The following RAP1GAP2 variants were observed in gnomAD, a reference collection of about 807,000 sequenced individuals.
RAP1GAP2 encodes the protein rap1 GTPase-activating protein 2.
Under a neutral mutation model 95.0 loss-of-function variants are expected in RAP1GAP2, and 27 were observed. The observed-to-expected ratio is 0.28, with a 90% confidence interval of 0.21 to 0.39. RAP1GAP2 has a LOEUF of 0.39. RAP1GAP2 is among the 10% of genes least tolerant of loss of function. The pLI, the probability that RAP1GAP2 is intolerant of heterozygous loss-of-function variation, is 1.00. For missense variants in RAP1GAP2, 771 were observed against 970.0 expected (o/e 0.79, Z 2.72); for synonymous variants, 373 against 380.9 (o/e 0.98, Z 0.24).
rs1225025285 is a variant in RAP1GAP2, at chr17:2,906,852, ATTAG to A, written c.165+1489_165+1492del. Among the ~76,000 whole-genome samples the A allele has an allele frequency of 6.6e-6, 1 of 152,124 alleles. No individual in the cohort carries two copies. The highest frequency in any genetic ancestry group is 1.5e-5 in the Non-Finnish European group (1 of 68,020). Reference sequence around the variant, plus strand: ...TACCCAGTATTTATTTGAATTTTGTATTAGTTAGGACTCTTGGTTGTAAGTGACA... The same window carrying A: ...TACCCAGTATTTATTTGAATTTTGTATTAGGACTCTTGGTTGTAAGTGACA... On this transcript the variant is annotated intron_variant, in intron 3 of 24. Transcript: ENST00000254695. This position sits in a 1 kb window ranked among gnomAD's most constrained non-coding sequence, Gnocchi z 4.3.
chr17:2,899,059 A>T (rs1410686765), intron 2 of RAP1GAP2, among the ~76,000 whole-genome samples: 1 of 151,552 alleles, frequency 6.6e-6, no homozygotes, highest in Non-Finnish European at 1.5e-5. Context: ...CTGGAATCAC[A>T]CAGCATGTGG....
chr17:2,996,259 G>GC (rs1406476366), intron 13 of RAP1GAP2, among the ~76,000 whole-genome samples: 1 of 152,104 alleles, frequency 6.6e-6, no homozygotes, highest in Non-Finnish European at 1.5e-5. Flanking sequence ...TTCCTGCCGT[G>GC]CCCCCCGTTT....
chr17:2,861,650 T>G (rs979725891), intron 2 of RAP1GAP2, among the ~76,000 whole-genome samples: 34 of 140,176 alleles, frequency 2.4e-4, no homozygotes, highest in East Asian at 1.1e-3. Flanking sequence ...GTATTTTTTT[T>G]GGGGGGGGGG....
chr17:2,849,160 G>A (rs2071714992), intron 2 of RAP1GAP2, among the ~76,000 whole-genome samples: 1 of 152,200 alleles, frequency 6.6e-6, no homozygotes, highest in African/African-American at 2.4e-5. Context: ...TTGTCCCAAA[G>A]GTTGTGTGGT....
intron 2 of RAP1GAP2, among the ~76,000 whole-genome samples, chr17:2,842,299 G>A (rs2071400260): frequency 1.3e-5 from 2 of 152,084 alleles, no homozygotes; most frequent in African/African-American, 2.4e-5. Flanking sequence ...GGAGGGCGAG[G>A]CAGGCAGGTC....
At chr17:2,970,036 G>A (rs1014005215) in intron 8 of RAP1GAP2, among the ~76,000 whole-genome samples, 1 of 151,884 alleles carries the variant, frequency 6.6e-6, no homozygotes, top group Non-Finnish European at 1.5e-5. Flanking sequence ...CACTTTGGGA[G>A]GCCAAAGCAG....
Position 2,796,595 on chromosome 17 carries a change from G to A in RAP1GAP2, c.44+24G>A. ...TGGTGGGTGACAGGTGGGAGGGTGG[G>A]GGAATGATGGGAGAGAACTTAGAAG... On this transcript the variant is annotated intron_variant, in intron 1 of 24. Coordinates refer to ENST00000254695, the MANE Select transcript of RAP1GAP2 (RefSeq NM_015085.5). The surrounding 1 kb of genome is among the most constrained non-coding windows in gnomAD (Gnocchi z 4.7). The A allele has an allele frequency of 6.4e-7, 1 of 1,553,714 alleles. No individual in the cohort carries two copies. The highest frequency in any genetic ancestry group is 8.7e-7 in the Non-Finnish European group (1 of 1,147,856).
chr17:2,984,493 T>G (rs963777131), intron 10 of RAP1GAP2, among the ~76,000 whole-genome samples: 3 of 152,206 alleles, frequency 2.0e-5, no homozygotes, highest in Admixed American at 1.3e-4. Context: ...TATTAGGGTA[T>G]GTTCCTCCTT....
At chr17:2,974,124 G>A (rs1400241621) in intron 8 of RAP1GAP2, among the ~76,000 whole-genome samples, 3 of 151,298 alleles carry the variant, frequency 2.0e-5, no homozygotes, top group East Asian at 2.0e-4. Flanking sequence ...GGCGGATCAC[G>A]AGGTCAGGAG....
chr17:2,764,195 G>C (rs971752681), intron 1 of RAP1GAP2, among the ~76,000 whole-genome samples: 1 of 152,174 alleles, frequency 6.6e-6, no homozygotes, highest in African/African-American at 2.4e-5. Context: ...ATTTTGGGAG[G>C]CTGAGGCGGG....
At chr17:2,911,342 C>G (rs2042374994) in intron 3 of RAP1GAP2, among the ~76,000 whole-genome samples, 1 of 149,254 alleles carries the variant, frequency 6.7e-6, no homozygotes, top group East Asian at 2.0e-4. Context: ...ATCCCAGTTC[C>G]CAGCCAGAGC....
At chr17:2,974,925 T>C (rs1427075191) in intron 8 of RAP1GAP2, among the ~76,000 whole-genome samples, 2 of 152,092 alleles carry the variant, frequency 1.3e-5, no homozygotes, top group African/African-American at 4.8e-5. Context: ...AAATATAAAA[T>C]GATGGTTTAG....
intron 8 of RAP1GAP2, among the ~76,000 whole-genome samples, chr17:2,966,310 A>T (rs982896725): frequency 2.0e-5 from 3 of 152,230 alleles, no homozygotes; most frequent in Non-Finnish European, 4.4e-5. Flanking sequence ...ATATGGTTTC[A>T]TGAATTTAAT....
Position 3,035,876 on chromosome 17 carries a change from T to C in RAP1GAP2, c.*2515T>C, listed in dbSNP as rs577644941. 1.3e-5 allele frequency: 2 copies of C among 152,238 alleles called. No homozygotes were observed. Among genetic ancestry groups the C allele is most frequent in the Admixed American group, 6.5e-5 (1 of 15,284 alleles). 9.4% of individuals were successfully genotyped at this position (152,238 alleles called of 1,614,324 possible). On this transcript the variant is annotated 3_prime_UTR_variant, in exon 25 of 25. Coordinates refer to ENST00000254695, the MANE Select transcript of RAP1GAP2 (RefSeq NM_015085.5). This position sits in a 1 kb window ranked among gnomAD's most constrained non-coding sequence, Gnocchi z 4.3. ...TTTATGCTGCGCCCAGTCTTGGGGCTCAAAGATTTGCCCAAACCTCATTGG... is the reference window on the plus strand; with the variant it reads ...TTTATGCTGCGCCCAGTCTTGGGGCCCAAAGATTTGCCCAAACCTCATTGG...
At chr17:2,941,461 C>A (rs1567802684) in intron 3 of RAP1GAP2, among the ~76,000 whole-genome samples, 2 of 151,774 alleles carry the variant, frequency 1.3e-5, no homozygotes, top group South Asian at 2.1e-4. Context: ...AAAAAAAGAC[C>A]ATGTGGCTGT....
At position 2,903,405 on chromosome 17, in the gene RAP1GAP2, C is replaced by T. The variant is rs570786930; in HGVS notation, c.81-1879C>T. ...TCTGGCAGAGCAGCCAGACTGGAGC[C>T]TACGGTGGTAATGTCCAAGGCCGTA... is the stretch of plus-strand genomic sequence containing the variant. On this transcript the variant is annotated intron_variant, in intron 2 of 24. Transcript: ENST00000254695. The surrounding 1 kb of genome is among the most constrained non-coding windows in gnomAD (Gnocchi z 4.1). 6.6e-6 allele frequency among the ~76,000 whole-genome samples: 1 copy of T among 152,264 alleles called. No homozygotes were observed. Among genetic ancestry groups the T allele is most frequent in the South Asian group, 2.1e-4 (1 of 4,828 alleles).
chr17:2,777,958 CT>C (rs2068542618), intron 1 of RAP1GAP2, among the ~76,000 whole-genome samples: 5 of 96,898 alleles, frequency 5.2e-5, no homozygotes, highest in East Asian at 8.2e-4. Context: ...GGCTGGGAGG[CT>C]GGGAGGCGGG....
Position 2,758,149 on chromosome 17 carries a change from G to C in RAP1GAP2, c.50+2382G>C, listed in dbSNP as rs547239450. Among the ~76,000 whole-genome samples, 120 of 149,458 alleles carry C rather than the reference G, an allele frequency of 8.0e-4. 2 individuals carry two copies. The highest frequency in any genetic ancestry group is 3.3e-4 in the Non-Finnish European group (22 of 67,640). On this transcript the variant is annotated intron_variant, in intron 1 of 25. Transcript: ENST00000637138. Reference sequence around the variant, plus strand: ...CTCTCAAAGTGCTGGGATTACAGGCGTGAGCCACCACGCCTGGCCACGCCC... The same window carrying C: ...CTCTCAAAGTGCTGGGATTACAGGCCTGAGCCACCACGCCTGGCCACGCCC...
chr17:2,809,165 T>C (rs1008205185), intron 2 of RAP1GAP2, among the ~76,000 whole-genome samples: 5 of 152,192 alleles, frequency 3.3e-5, no homozygotes, highest in Non-Finnish European at 5.9e-5. Context: ...GGTGAGTCCC[T>C]GTTCTGGTTT....
Sources: gnomAD v4.1 joint callset for allele counts (sites outside exome capture counted in the v4.1 genomes callset) on GRCh38, gnomAD v4.1.1 for gene constraint, Gnocchi (gnomAD v3.1) non-coding constraint, MANE v1.5 for transcripts, NCBI Gene and HGNC (gene_info 2026-07-23, HGNC 2026-07-21) for gene names.